Variants in SEMA3D observed in about 807,000 individuals in gnomAD.
The protein encoded by SEMA3D is semaphorin 3D, also known as semaphorin-3D.
In SEMA3D, 84 loss-of-function variants were observed where a neutral mutation model predicts 100.1. The ratio of observed to expected loss-of-function variants is 0.84; its 90% CI spans 0.70 to 1.01. The LOEUF (loss-of-function observed/expected upper bound fraction) is 1.01, where lower values mean the gene tolerates loss of function less well. Among genes scored for constraint, SEMA3D ranks in the 50% least tolerant of loss-of-function variants. SEMA3D has a pLI of 0.00. For missense variants in SEMA3D, 875 were observed against 934.1 expected (o/e 0.94, Z 0.82); for synonymous variants, 312 against 320.7 (o/e 0.97, Z 0.29).
At chr7:85,235,816 C>T in the SEMA3D span, among the ~76,000 whole-genome samples, 12 of 152,130 alleles carry the variant, frequency 7.9e-5, 1 homozygote, top group East Asian at 7.7e-4. Context: ...GGAATACCAC[C>T]GCAGGTCTGA....
chr7:85,119,134 T>C (rs1789334312), intron 3 of SEMA3D, among the ~76,000 whole-genome samples: 1 of 152,202 alleles, frequency 6.6e-6, no homozygotes, highest in African/African-American at 2.4e-5. Context: ...GGCAAGGTTG[T>C]GGAGAAAACG....
At position 84,999,325 on chromosome 7, in the gene SEMA3D, T is replaced by C. The variant is rs1019665062; in HGVS notation, c.*115A>G. ...ATATTGTCTTATTCAGATTATTGTC[T>C]TGTGCCTTAGCAAAACTCCATGGGA... is the stretch of plus-strand genomic sequence containing the variant. On this transcript the variant is annotated 3_prime_UTR_variant, in exon 19 of 19. Coordinates refer to ENST00000284136, the MANE Select transcript of SEMA3D (RefSeq NM_001384900.1). 6.2e-6 allele frequency: 5 copies of C among 804,922 alleles called. No homozygotes were observed. In the African/African-American group the frequency reaches 8.7e-5, roughly 14 times the overall value. The allele number at this position is 804,922 out of a possible 1,614,324, so 49.9% of individuals were successfully genotyped here.
At chr7:85,012,897 T>C in intron 16 of SEMA3D, 51 bp from the exon 17 acceptor site, 1 of 1,417,016 alleles carries the variant, frequency 7.1e-7, no homozygotes. Flanking sequence ...ATTACCATCA[T>C]ATAGAAAGGC....
the SEMA3D span, among the ~76,000 whole-genome samples, chr7:85,217,002 A>G: frequency 1.3e-5 from 2 of 152,104 alleles, no homozygotes; most frequent in African/African-American, 4.8e-5. Flanking sequence ...AGCATTTTAT[A>G]TAAATGTTAA....
chr7:85,148,652 G>A (rs956670667), intron 2 of SEMA3D, among the ~76,000 whole-genome samples: 1 of 152,110 alleles, frequency 6.6e-6, no homozygotes, highest in Non-Finnish European at 1.5e-5. Context: ...AGAAGATATA[G>A]TTATCTTCTC....
At chr7:85,000,732 A>G (rs530020219) in intron 18 of SEMA3D, among the ~76,000 whole-genome samples, 1 of 152,320 alleles carries the variant, frequency 6.6e-6, no homozygotes, top group South Asian at 2.1e-4. Context: ...AAGCATTATT[A>G]CTAAAAGACA....
chr7:85,056,749 G>A (rs1791329037), intron 8 of SEMA3D, among the ~76,000 whole-genome samples: 1 of 150,158 alleles, frequency 6.7e-6, no homozygotes, highest in Non-Finnish European at 1.5e-5. Context: ...TAAAATCAAT[G>A]ACTGAATAAA....
At chr7:85,135,725 A>G (rs1247332873) in intron 2 of SEMA3D, among the ~76,000 whole-genome samples, 1 of 150,688 alleles carries the variant, frequency 6.6e-6, no homozygotes, top group Non-Finnish European at 1.5e-5. Context: ...TTAGAAAAAA[A>G]TCAATTTGCA....
intron 9 of SEMA3D, among the ~76,000 whole-genome samples, chr7:85,042,573 G>A (rs1227680930): frequency 6.6e-6 from 1 of 151,530 alleles, no homozygotes; most frequent in African/African-American, 2.4e-5. Context: ...AATCCCACCT[G>A]CCAATTTTTT....
In SEMA3D at chr7:84,999,173, CAAAACAT is replaced by C. The variant is rs1181922322; in HGVS notation, c.*260_*266del. ...TTACATGACAATAAATTCCAAAACT[CAAAACAT>C]AAAACATTTACAACTGTAAACCCCC... On this transcript the variant is annotated 3_prime_UTR_variant, in exon 19 of 19. Transcript: ENST00000284136. The C allele has an allele frequency of 2.2e-6, 1 of 447,302 alleles. No individual in the cohort carries two copies. Among genetic ancestry groups the C allele is most frequent in the African/African-American group, 2.0e-5 (1 of 50,780 alleles). The allele number at this position is 447,302 out of a possible 1,614,324, so 27.7% of individuals were successfully genotyped here. A position where few individuals can be genotyped will look rare whatever the true frequency, so the allele number is the denominator to read the frequency against.
At chr7:85,247,360 A>G in the SEMA3D span, among the ~76,000 whole-genome samples, 3 of 152,108 alleles carry the variant, frequency 2.0e-5, no homozygotes, top group Non-Finnish European at 4.4e-5. Context: ...TTACATGTGA[A>G]GAGCAAAACT....
intron 8 of SEMA3D, among the ~76,000 whole-genome samples, chr7:85,057,897 C>T (rs1256190553): frequency 6.6e-6 from 1 of 152,148 alleles, no homozygotes; most frequent in African/African-American, 2.4e-5. Context: ...CACCAGGGCA[C>T]TCCAGCCTAG....
intron 12 of SEMA3D, 43 bp from the exon 13 acceptor site, chr7:85,022,656 C>T (rs1331791279): frequency 1.6e-6 from 2 of 1,271,588 alleles, no homozygotes; most frequent in Non-Finnish European, 2.3e-6. Context: ...TGTTTATGCA[C>T]CTGAGAAGTT....
At chr7:85,068,140 T>C (rs1282565189) in intron 7 of SEMA3D, 51 bp downstream of exon 7, 5 of 1,057,646 alleles carry the variant, frequency 4.7e-6, no homozygotes, top group Non-Finnish European at 7.3e-6. Context: ...AGTCAAAAAA[T>C]AACTCTTAGA....
Position 84,999,601 on chromosome 7 carries a change from A to C in SEMA3D, c.2173T>G (p.Phe725Val), listed in dbSNP as rs775761394. ...TGTTCGCAGTACTGGTCGAGGCTGA[A>C]GTTTGGGCTGCTAAGGATTTGGATG... is the stretch of plus-strand genomic sequence containing the variant. The part of the protein sequence containing the change: ...DYIQILSSPN[F>V]SLDQYCEQMW... The change falls in exon 19 of 19, where the codon TTC becomes GTC. Residue 725 changes from phenylalanine (F) to valine (V), a missense_variant. Transcript: ENST00000284136. The C allele has an allele frequency of 6.2e-7, 1 of 1,614,044 alleles. No individual in the cohort carries two copies. The highest frequency in any genetic ancestry group is 2.2e-5 in the East Asian group (1 of 44,846).
intron 7 of SEMA3D, 118 bp from the exon 8 acceptor site, chr7:85,065,670 T>C (rs1791597552): frequency 1.4e-6 from 1 of 732,966 alleles, no homozygotes; most frequent in Admixed American, 2.8e-5. Flanking sequence ...TCAGAATGTA[T>C]TGTTTCATAA....
chr7:85,102,899 A>G (rs944997474), intron 3 of SEMA3D, among the ~76,000 whole-genome samples: 24 of 152,096 alleles, frequency 1.6e-4, no homozygotes, highest in African/African-American at 4.8e-4. Flanking sequence ...ACTTTACAAG[A>G]AAAAACAGCT....
intron 3 of SEMA3D, among the ~76,000 whole-genome samples, chr7:85,101,924 G>A (rs1219590462): frequency 6.6e-6 from 1 of 151,900 alleles, no homozygotes; most frequent in Non-Finnish European, 1.5e-5. Context: ...GAACATCTCT[G>A]CATTTTTTAT....
chr7:85,058,453 T>C (rs1791383204), intron 8 of SEMA3D, among the ~76,000 whole-genome samples: 2 of 152,164 alleles, frequency 1.3e-5, no homozygotes, highest in African/African-American at 4.8e-5. Context: ...TAAACATGTT[T>C]TCTTTTAAAA....
Sources: allele counts gnomAD v4.1 joint callset (sites outside exome capture counted in the v4.1 genomes callset), GRCh38; gene constraint gnomAD v4.1.1; transcripts MANE v1.5; gene names NCBI Gene and HGNC (gene_info 2026-07-23, HGNC 2026-07-21).